Variants in MBP observed in about 807,000 individuals in gnomAD.
MBP encodes myelin basic protein, also known as Golli-MBP.
In MBP, 16 loss-of-function variants were observed where a neutral mutation model predicts 35.8. The observed-to-expected ratio is 0.45, with a 90% CI of 0.30 to 0.68. MBP has a LOEUF of 0.68. Ranked by LOEUF, MBP falls within the 30% of genes least tolerant of loss-of-function variation. The pLI is 0.08. For synonymous variants in MBP, 143 were observed against 159.6 expected (o/e 0.90, Z 0.78); for missense variants, 380 against 404.7 (o/e 0.94, Z 0.52).
At position 77,049,653 on chromosome 18, in the gene MBP, T is replaced by C. The variant is rs576964999; in HGVS notation, c.139+16645A>G. Among the ~76,000 whole-genome samples the C allele has an allele frequency of 7.3e-4, 111 of 152,264 alleles. 1 individual carries two copies. The highest frequency in any genetic ancestry group is 2.5e-3 in the African/African-American group (102 of 41,548). ...TATTTTATTTACTCATCATTGGATA[T>C]GGATAACTATTTTATTTTTAATTTT... On this transcript the variant is annotated intron_variant, in intron 3 of 8. Transcript: ENST00000355994.
rs1464134280 is a variant in MBP, at chr18:77,049,628, T to C, written c.139+16670A>G. Among the ~76,000 whole-genome samples, 3 of 152,196 alleles carry C rather than the reference T, an allele frequency of 2.0e-5. No individual in the cohort carries two copies. The East Asian group carries it at 5.8e-4, about 29-fold the overall frequency. ...CATTCCTTTTGGTCACATGTGGATT[T>C]ATTTTATTTACTCATCATTGGATAT... On this transcript the variant is annotated intron_variant, in intron 3 of 8. Transcript: ENST00000355994.
At chr18:77,052,161 A>G (rs1973514814) in intron 3 of MBP, among the ~76,000 whole-genome samples, 1 of 152,168 alleles carries the variant, frequency 6.6e-6, no homozygotes, top group Non-Finnish European at 1.5e-5. Flanking sequence ...CGGGGGAAGG[A>G]GCGGGGCGAT....
At chr18:77,001,748 G>T (rs1472772554) in intron 4 of MBP, among the ~76,000 whole-genome samples, 1 of 152,174 alleles carries the variant, frequency 6.6e-6, no homozygotes, top group Non-Finnish European at 1.5e-5. Flanking sequence ...TACTTGGGAG[G>T]CTGAGGCAGG....
Position 76,979,754 on chromosome 18 carries a change from C to A in MBP, c.*673G>T, listed in dbSNP as rs1039112163. The A allele has an allele frequency of 1.7e-6, 1 of 582,382 alleles. No individual in the cohort carries two copies. Among genetic ancestry groups the A allele is most frequent in the Non-Finnish European group, 3.1e-6 (1 of 327,516 alleles). The allele number at this position is 582,382 out of a possible 1,614,324, so 36.1% of individuals were successfully genotyped here. On this transcript the variant is annotated 3_prime_UTR_variant, in exon 9 of 9. Transcript: ENST00000355994. ...CGTTTGCCTCCTTTTCCTCCCTCTG[C>A]CACACGCGAATTCAGCTAATTGGGG...
At chr18:77,076,179 C>A (rs8099008) in intron 2 of MBP, among the ~76,000 whole-genome samples, 4,887 of 152,148 alleles carry the variant, frequency 0.032, 186 homozygotes, top group East Asian at 0.096. Flanking sequence ...ACTTGTCCCA[C>A]GGAGAAGTGA....
chr18:77,072,223 G>A (rs1466085056), intron 2 of MBP, among the ~76,000 whole-genome samples: 1 of 152,124 alleles, frequency 6.6e-6, no homozygotes, highest in Admixed American at 6.5e-5. Flanking sequence ...ATGGCCTGGT[G>A]TTTCTCACAG....
chr18:77,118,111 T>TG (rs1220281923), intron 1 of MBP, among the ~76,000 whole-genome samples: 1 of 42,804 alleles, frequency 2.3e-5, no homozygotes, highest in African/African-American at 1.1e-4. Context: ...TGGGGTGGGA[T>TG]GGGGACAGTG....
chr18:77,032,808 C>T (rs1021719074), intron 3 of MBP, among the ~76,000 whole-genome samples: 1 of 152,094 alleles, frequency 6.6e-6, no homozygotes, highest in Non-Finnish European at 1.5e-5. Flanking sequence ...ACAGGTAGTA[C>T]TAGGAATTGC....
intron 3 of MBP, 104 bp downstream of exon 3, chr18:77,066,194 A>G (rs1599173307): frequency 1.2e-6 from 1 of 800,250 alleles, no homozygotes; most frequent in East Asian, 2.5e-5. Flanking sequence ...AGACAGATCC[A>G]TGGATCACCC....
At chr18:77,048,104 G>C (rs470578) in intron 3 of MBP, among the ~76,000 whole-genome samples, 1 of 151,796 alleles carries the variant, frequency 6.6e-6, no homozygotes, top group Admixed American at 6.6e-5. Flanking sequence ...AGCATCTCTC[G>C]TTTGACGCCC....
intron 1 of MBP, chr18:77,109,389 A>C (rs1170215129): frequency 1.3e-5 from 2 of 152,228 alleles, no homozygotes; most frequent in Non-Finnish European, 2.9e-5. Flanking sequence ...AGACCACACA[A>C]AGTGTCCTGG....
rs148670322 is a variant in MBP at position 76,991,228 on chromosome 18, G to A, written c.577-1168C>T. ...CACATCTCGAGTAAGAGGAAGCGGA[G>A]AGGGAAGAATGGCTGGGCATGAGTG... On this transcript the variant is annotated intron_variant, in intron 4 of 8. Coordinates refer to ENST00000355994, the MANE Select transcript of MBP (RefSeq NM_001025101.2). Among the ~76,000 whole-genome samples, 4 of 152,262 alleles carry A rather than the reference G, an allele frequency of 2.6e-5. No individual in the cohort carries two copies. In the South Asian group the frequency reaches 8.3e-4, roughly 32 times the overall value.
intron 4 of MBP, among the ~76,000 whole-genome samples, chr18:77,007,744 G>A (rs1378196169): frequency 6.6e-6 from 1 of 152,230 alleles, no homozygotes; most frequent in Non-Finnish European, 1.5e-5. Flanking sequence ...CTGAGTCCTG[G>A]AAGCCTGCAG....
intron 3 of MBP, among the ~76,000 whole-genome samples, chr18:77,043,106 A>T (rs1021071642): frequency 3.3e-5 from 5 of 152,238 alleles, no homozygotes; most frequent in African/African-American, 1.2e-4. Context: ...ACAGAATCAG[A>T]TATTGCTTAT....
chr18:77,090,513 GTT>G (rs1975464801), intron 2 of MBP, among the ~76,000 whole-genome samples: 1 of 152,154 alleles, frequency 6.6e-6, no homozygotes, highest in African/African-American at 2.4e-5. Context: ...CACTGATTGG[GTT>G]TTCACCACTG....
intron 3 of MBP, among the ~76,000 whole-genome samples, chr18:77,056,002 T>A (rs2144729065): frequency 6.6e-6 from 1 of 152,364 alleles, no homozygotes; most frequent in Admixed American, 6.5e-5. Flanking sequence ...TCCCTGTGGC[T>A]CTGTGGTGTC....
intron 4 of MBP, chr18:77,014,315 AG>A (rs1971506029): frequency 2.0e-6 from 2 of 985,388 alleles, no homozygotes; most frequent in Admixed American, 1.2e-4. Context: ...GGAAGAGCAC[AG>A]GAGGGTGGGA....
chr18:77,105,225 C>A lies in MBP; in HGVS notation c.37G>T (p.Glu13Ter), dbSNP rs779270491. The A allele has an allele frequency of 6.2e-7, 1 of 1,612,698 alleles. No individual in the cohort carries two copies. The change falls in exon 2 of 9, where the codon GAG becomes TAG. Residue 13 changes from glutamate to a stop codon, truncating the protein, a stop_gained. Transcript: ENST00000355994. LOFTEE classifies it high-confidence loss of function. Reference protein sequence around the residue: ...NHAGKRELNAEKASTNSETNR... With the variant: ...NHAGKRELNA ...TCACGTCTTACCGTACTGGCCTTCT[C>A]GGCATTTAATTCTCGTTTGCCTGCG...
intron 2 of MBP, among the ~76,000 whole-genome samples, chr18:77,088,269 C>T (rs1975347368): frequency 6.6e-6 from 1 of 152,202 alleles, no homozygotes; most frequent in East Asian, 1.9e-4. Flanking sequence ...AGGGACAGTG[C>T]CTTCCAGCTG....
Sources: allele counts gnomAD v4.1 joint callset (sites outside exome capture counted in the v4.1 genomes callset), GRCh38; gene constraint gnomAD v4.1.1; transcripts MANE v1.5; gene names NCBI Gene and HGNC (gene_info 2026-07-23, HGNC 2026-07-21).